The following NRG3 variants were observed in gnomAD, a reference collection of about 807,000 sequenced individuals.
NRG3 encodes the protein neuregulin 3, also known as pro-neuregulin-3, membrane-bound isoform.
Under a neutral mutation model 66.9 loss-of-function variants are expected in NRG3, and 31 were observed. The observed-to-expected ratio is 0.46, with a 90% CI of 0.35 to 0.63. The LOEUF (loss-of-function observed/expected upper bound fraction) is 0.63. Among genes scored for constraint, NRG3 ranks in the 20% least tolerant of loss-of-function variants. The pLI is 0.00. For missense variants in NRG3, 910 were observed against 878.9 expected (o/e 1.04, Z -0.45); for synonymous variants, 393 against 359.4 (o/e 1.09, Z -1.06).
chr10:82,127,033 GT>G lies in NRG3; in HGVS notation c.824-231704del, dbSNP rs1007284364. Among the ~76,000 whole-genome samples the G allele has an allele frequency of 1.2e-4, 18 of 152,084 alleles. 1 individual carries two copies. Among genetic ancestry groups the G allele is most frequent in the Non-Finnish European group, 8.8e-5 (6 of 67,986 alleles). On this transcript the variant is annotated intron_variant, in intron 1 of 8. Coordinates refer to ENST00000372141, the MANE Select transcript of NRG3 (RefSeq NM_001010848.4). ...TATGGTGAGAAAGTTGTTTTGACTT[GT>G]TGTTCAATCCTTGAGCAAAAATAAG...
intron 1 of NRG3, among the ~76,000 whole-genome samples, chr10:82,170,654 G>GTATA (rs370773918): frequency 0.017 from 1,226 of 73,814 alleles, 11 homozygotes; most frequent in Non-Finnish European, 0.02. Flanking sequence ...AAAACTTGTG[G>GTATA]TATATATATA....
chr10:82,810,350 T>C (rs1174645989), intron 3 of NRG3, among the ~76,000 whole-genome samples: 1 of 152,218 alleles, frequency 6.6e-6, no homozygotes, highest in Non-Finnish European at 1.5e-5. Flanking sequence ...GGATCTCCAA[T>C]GCTGTTTTTT....
chr10:81,875,947 A>G lies in NRG3; in HGVS notation c.607A>G (p.Ser203Gly), dbSNP rs1215299754. ...VPSTTAPFFSSSTLGSRPPVP... is the reference protein window; with the variant it reads ...VPSTTAPFFSGSTLGSRPPVP... ...GTCCACCACGGCCCCGTTCTTCAGT[A>G]GCAGCACGCTGGGCTCCCGACCCCC... is the stretch of plus-strand genomic sequence containing the variant. Residue 203 changes from serine (S) to glycine (G), a missense_variant, in exon 1 of 9, where the codon AGC becomes GGC. Ser to Gly is a moderately conservative substitution (Grantham distance 56, BLOSUM62 0). Coordinates refer to ENST00000372141, the MANE Select transcript of NRG3 (RefSeq NM_001010848.4). The surrounding 1 kb of genome is among the most constrained non-coding windows in gnomAD (Gnocchi z 5.3). 47 of 1,613,744 alleles carry G rather than the reference A, an allele frequency of 2.9e-5. No homozygotes were observed. Among genetic ancestry groups the G allele is most frequent in the Non-Finnish European group, 3.6e-5 (42 of 1,180,026 alleles).
chr10:82,737,587 T>G (rs1237295819), intron 2 of NRG3, among the ~76,000 whole-genome samples: 2 of 152,172 alleles, frequency 1.3e-5, no homozygotes, highest in Non-Finnish European at 2.9e-5. Context: ...TAGGACAGAT[T>G]CATCCTTTAA....
intron 3 of NRG3, among the ~76,000 whole-genome samples, chr10:82,854,920 G>T (rs1264123972): frequency 6.6e-6 from 1 of 152,140 alleles, no homozygotes; most frequent in Non-Finnish European, 1.5e-5. Flanking sequence ...GTATTTGGCT[G>T]CTCTAGATGA....
intron 5 of NRG3, among the ~76,000 whole-genome samples, chr10:82,956,965 C>T (rs550704694): frequency 6.6e-6 from 1 of 152,096 alleles, no homozygotes; most frequent in South Asian, 2.1e-4. Flanking sequence ...TCTTAAAAAA[C>T]AGAGCTACAT....
At chr10:82,179,438 A>G (rs2073265926) in intron 1 of NRG3, among the ~76,000 whole-genome samples, 1 of 151,950 alleles carries the variant, frequency 6.6e-6, no homozygotes, top group African/African-American at 2.4e-5. Context: ...GCTGCAATAT[A>G]TGGATTCCAT....
At chr10:82,072,667 T>C (rs1427307818) in intron 1 of NRG3, among the ~76,000 whole-genome samples, 1 of 143,786 alleles carries the variant, frequency 7.0e-6, no homozygotes, top group African/African-American at 2.6e-5. Flanking sequence ...ATAGTAGTTA[T>C]CTCTTGGGGT....
chr10:82,391,993 C>CAAAAAAAAAAAA lies in NRG3; in HGVS notation c.953+33131_953+33142dup, dbSNP rs775895969. Among the ~76,000 whole-genome samples, 9 of 38,804 alleles carry CAAAAAAAAAAAA rather than the reference C, an allele frequency of 2.3e-4. 1 individual carries two copies. Among genetic ancestry groups the CAAAAAAAAAAAA allele is most frequent in the Non-Finnish European group, 3.4e-4 (7 of 20,334 alleles). The allele number at this position is 38,804 out of a possible 152,430, so 25.5% of individuals were successfully genotyped here. ...AGTTGAATCCTCTTTCGAGCACATGCAAAAAAAAAAAAAAAAACAAAAAAA... is the reference window on the plus strand; with the variant it reads ...AGTTGAATCCTCTTTCGAGCACATGCAAAAAAAAAAAAAAAAAAAAAAAAAAAAACAAAAAAA... On this transcript the variant is annotated intron_variant, in intron 2 of 8. Transcript: ENST00000372141.
chr10:82,973,772 G>A lies in NRG3; in HGVS notation c.1285-16G>A, dbSNP rs377217912. ...TGTATCCTTCGTCTCAACTCTGTAC[G>A]TGTGATTTCCCACAGTATTCAAAGG... On this transcript the variant is annotated splice_polypyrimidine_tract_variant and intron_variant, in intron 6 of 8. Coordinates refer to ENST00000372141, the MANE Select transcript of NRG3 (RefSeq NM_001010848.4). 63 of 1,613,748 alleles carry A rather than the reference G, an allele frequency of 3.9e-5. No homozygotes were observed. The highest frequency in any genetic ancestry group is 4.7e-5 in the Non-Finnish European group (56 of 1,179,694).
At chr10:82,563,760 A>G (rs1050657843) in intron 2 of NRG3, among the ~76,000 whole-genome samples, 1 of 152,040 alleles carries the variant, frequency 6.6e-6, no homozygotes, top group African/African-American at 2.4e-5. Flanking sequence ...AACATTTAAA[A>G]TCTACTCTTT....
intron 2 of NRG3, among the ~76,000 whole-genome samples, chr10:82,475,318 T>G (rs914739678): frequency 6.6e-6 from 1 of 152,024 alleles, no homozygotes; most frequent in Non-Finnish European, 1.5e-5. Flanking sequence ...TAAGACAGTA[T>G]TATAAACAAT....
At chr10:82,212,181 C>A (rs1457984705) in intron 1 of NRG3, among the ~76,000 whole-genome samples, 1 of 152,102 alleles carries the variant, frequency 6.6e-6, no homozygotes, top group Non-Finnish European at 1.5e-5. Flanking sequence ...ATAAAAACAG[C>A]AATTTCACAT....
intron 1 of NRG3, among the ~76,000 whole-genome samples, chr10:82,042,996 G>A (rs1054793916): frequency 1.3e-5 from 2 of 151,856 alleles, no homozygotes; most frequent in African/African-American, 4.8e-5. Context: ...TTTTTATTCT[G>A]CTATATTTGT....
intron 1 of NRG3, among the ~76,000 whole-genome samples, chr10:81,987,123 T>C (rs1194687334): frequency 6.6e-6 from 1 of 151,896 alleles, no homozygotes; most frequent in Non-Finnish European, 1.5e-5. Flanking sequence ...TGCTAGCTCT[T>C]GTTGCCTAGG....
Position 82,339,570 on chromosome 10 carries a change from G to T in NRG3, c.824-19169G>T, listed in dbSNP as rs1034167105. Among the ~76,000 whole-genome samples the T allele has an allele frequency of 5.9e-5, 9 of 152,244 alleles. No individual in the cohort carries two copies. The East Asian group carries it at 1.7e-3, about 29-fold the overall frequency. ...CCTTTCCACACACGGAGATTATGGG[G>T]ATTACGATTCAAGATGAGATTTGGG... On this transcript the variant is annotated intron_variant, in intron 1 of 8. Coordinates refer to ENST00000372141, the MANE Select transcript of NRG3 (RefSeq NM_001010848.4).
At chr10:82,362,561 T>G (rs913841883) in intron 2 of NRG3, among the ~76,000 whole-genome samples, 11 of 145,842 alleles carry the variant, frequency 7.5e-5, no homozygotes, top group African/African-American at 2.8e-4. Context: ...TTTTTTTTTT[T>G]TTTTTTTTCG....
chr10:82,442,290 G>A (rs1323314630), intron 2 of NRG3, among the ~76,000 whole-genome samples: 3 of 152,132 alleles, frequency 2.0e-5, no homozygotes, highest in Admixed American at 6.6e-5. Flanking sequence ...TGGAGCTTGC[G>A]AATGAAAGAG....
chr10:82,504,527 G>A (rs957693455), intron 2 of NRG3, among the ~76,000 whole-genome samples: 2 of 152,090 alleles, frequency 1.3e-5, no homozygotes, highest in African/African-American at 4.8e-5. Flanking sequence ...TGACCCTAAG[G>A]GCAAATTGAT....
Sources: allele counts gnomAD v4.1 joint callset (sites outside exome capture counted in the v4.1 genomes callset), GRCh38; gene constraint gnomAD v4.1.1; non-coding constraint Gnocchi (gnomAD v3.1); transcripts MANE v1.5; gene names NCBI Gene and HGNC (gene_info 2026-07-23, HGNC 2026-07-21).